Variants in MAGI1 observed in about 807,000 individuals in gnomAD.
MAGI1 encodes membrane associated guanylate kinase, WW and PDZ domain containing 1, also known as membrane-associated guanylate kinase, WW and PDZ domain-containing protein 1.
In MAGI1, 58 loss-of-function variants were observed where a neutral mutation model predicts 139.9. That is an observed-to-expected ratio of 0.41 (90% CI 0.34 to 0.52). MAGI1 has a LOEUF of 0.52. MAGI1 is among the 20% of genes least tolerant of loss of function. The pLI, the probability that MAGI1 is intolerant of heterozygous loss-of-function variation, is 0.12. For missense variants in MAGI1, 1,874 were observed against 1,901.6 expected (o/e 0.99, Z 0.27); for synonymous variants, 812 against 737.9 (o/e 1.10, Z -1.63).
intron 2 of MAGI1, among the ~76,000 whole-genome samples, chr3:65,610,218 T>C (rs949198996): frequency 6.6e-6 from 1 of 152,128 alleles, no homozygotes; most frequent in Non-Finnish European, 1.5e-5. Context: ...TCTGAAGCAA[T>C]GCAAGACACT....
At chr3:65,707,021 T>C (rs1301046502) in intron 1 of MAGI1, among the ~76,000 whole-genome samples, 1 of 152,178 alleles carries the variant, frequency 6.6e-6, no homozygotes, top group African/African-American at 2.4e-5. Flanking sequence ...CGTCTCGGCA[T>C]GGCAGTCGGA....
intron 1 of MAGI1, among the ~76,000 whole-genome samples, chr3:65,662,354 G>T (rs927264140): frequency 1.3e-5 from 2 of 152,136 alleles, no homozygotes; most frequent in Non-Finnish European, 2.9e-5. Flanking sequence ...TCCATAAAAT[G>T]CCAGACAGTA....
At chr3:65,493,077 C>CAAAAA (rs11412426) in intron 3 of MAGI1, among the ~76,000 whole-genome samples, 2 of 110,238 alleles carry the variant, frequency 1.8e-5, no homozygotes, top group Non-Finnish European at 3.6e-5. Flanking sequence ...GACTCCGTCT[C>CAAAAA]AAAAAAAAAA....
chr3:65,943,958 G>A (rs1434267957), intron 1 of MAGI1, among the ~76,000 whole-genome samples: 1 of 152,128 alleles, frequency 6.6e-6, no homozygotes. Context: ...TTCCTCCACT[G>A]TGACAGGGCA....
intron 1 of MAGI1, among the ~76,000 whole-genome samples, chr3:65,947,753 AC>A (rs2063603509): frequency 1.3e-5 from 2 of 151,972 alleles, no homozygotes; most frequent in Non-Finnish European, 2.9e-5. Context: ...AGTAGCTGGT[AC>A]CACAGGCATG....
intron 1 of MAGI1, among the ~76,000 whole-genome samples, chr3:65,779,262 G>A (rs549292273): frequency 3.9e-5 from 6 of 152,202 alleles, no homozygotes; most frequent in Non-Finnish European, 7.3e-5. Flanking sequence ...CTCTGGCAGC[G>A]TTAATGTGAG....
At chr3:65,803,710 T>C (rs1237364159) in intron 1 of MAGI1, among the ~76,000 whole-genome samples, 1 of 152,098 alleles carries the variant, frequency 6.6e-6, no homozygotes, top group African/African-American at 2.4e-5. Flanking sequence ...ACCCTCTACC[T>C]TCCAGTAGGC....
chr3:65,498,144 AG>A, intron 2 of MAGI1, among the ~76,000 whole-genome samples: 1 of 152,162 alleles, frequency 6.6e-6, no homozygotes, highest in East Asian at 1.9e-4. Context: ...GGCATTTCAA[AG>A]GGTTTTCAGG....
intron 12 of MAGI1, among the ~76,000 whole-genome samples, chr3:65,407,977 T>C (rs1362513252): frequency 6.6e-6 from 1 of 152,196 alleles, no homozygotes; most frequent in Non-Finnish European, 1.5e-5. Flanking sequence ...CCTAAATTAC[T>C]GGGTCATGGC....
rs565328103 is a variant in MAGI1, at chr3:65,745,608, AAC to A, written c.314-123522_314-123521del. On this transcript the variant is annotated intron_variant, in intron 1 of 22. Coordinates refer to ENST00000402939, the MANE Select transcript of MAGI1 (RefSeq NM_001033057.2). ...CCTTACCTGAAAAACATAAACACATAACACACATTAAAATTCAATAGGCAAAT... is the reference window on the plus strand; with the variant it reads ...CCTTACCTGAAAAACATAAACACATAACACATTAAAATTCAATAGGCAAAT... Among the ~76,000 whole-genome samples, 47 of 152,378 alleles carry A rather than the reference AAC, an allele frequency of 3.1e-4. 2 individuals carry two copies. The East Asian group carries it at 9.1e-3, about 29-fold the overall frequency.
chr3:65,832,191 T>C (rs1398102201), intron 1 of MAGI1, among the ~76,000 whole-genome samples: 1 of 152,174 alleles, frequency 6.6e-6, no homozygotes, highest in Admixed American at 6.5e-5. Context: ...ACAGTGCAGA[T>C]CCACTAGGCA....
chr3:65,591,068 C>T (rs947785156), intron 2 of MAGI1, among the ~76,000 whole-genome samples: 6 of 152,098 alleles, frequency 3.9e-5, no homozygotes, highest in Admixed American at 6.5e-5. Context: ...CAAGGATGTT[C>T]CTTTCATCAC....
intron 5 of MAGI1, among the ~76,000 whole-genome samples, chr3:65,465,837 G>A (rs1950132315): frequency 6.6e-6 from 1 of 152,062 alleles, no homozygotes; most frequent in Admixed American, 6.5e-5. Flanking sequence ...CTATTCCCCT[G>A]GGACTCCAAT....
At chr3:65,579,502 C>A (rs2081321510) in intron 2 of MAGI1, among the ~76,000 whole-genome samples, 1 of 152,224 alleles carries the variant, frequency 6.6e-6, no homozygotes, top group African/African-American at 2.4e-5. Context: ...CTTAGACCCT[C>A]TGAGACAACT....
chr3:65,792,407 G>C (rs1054131982), intron 1 of MAGI1, among the ~76,000 whole-genome samples: 1 of 152,184 alleles, frequency 6.6e-6, no homozygotes, highest in Non-Finnish European at 1.5e-5. Context: ...GGAGGTTGCA[G>C]TGAGCGAAGA....
At chr3:65,636,136 G>A (rs1050248197) in intron 1 of MAGI1, among the ~76,000 whole-genome samples, 1 of 152,126 alleles carries the variant, frequency 6.6e-6, no homozygotes, top group East Asian at 1.9e-4. Context: ...AGAGGGATAC[G>A]GGAGGAGAGG....
At chr3:65,571,662 C>G (rs887240977) in intron 2 of MAGI1, among the ~76,000 whole-genome samples, 7 of 151,498 alleles carry the variant, frequency 4.6e-5, no homozygotes, top group Non-Finnish European at 8.8e-5. Context: ...AACTAGATTT[C>G]AAAAAGACAT....
At chr3:65,554,724 A>G (rs1432358872) in intron 2 of MAGI1, among the ~76,000 whole-genome samples, 1 of 152,222 alleles carries the variant, frequency 6.6e-6, no homozygotes, top group Non-Finnish European at 1.5e-5. Context: ...TCTTTCTAGC[A>G]CAAAGAACCC....
At chr3:65,979,096 CCCG>C (rs71616204) in intron 1 of MAGI1, among the ~76,000 whole-genome samples, 3 of 60,392 alleles carry the variant, frequency 5.0e-5, no homozygotes, top group Admixed American at 2.5e-4. Flanking sequence ...CTTCCCCCCC[CCCG>C]CCACCCCCCA....
Sources: allele counts gnomAD v4.1 joint callset (sites outside exome capture counted in the v4.1 genomes callset), GRCh38; gene constraint gnomAD v4.1.1; transcripts MANE v1.5; gene names NCBI Gene and HGNC (gene_info 2026-07-23, HGNC 2026-07-21).